Variants in ADGRG6 observed in about 807,000 individuals in gnomAD.
ADGRG6 encodes the protein G-protein coupled receptor 126.
ADGRG6 carries 84 observed loss-of-function variants against 142.4 expected under a neutral mutation model. The observed-to-expected ratio is 0.59, with a 90% confidence interval of 0.49 to 0.71. ADGRG6 has a LOEUF of 0.71. Among genes scored for constraint, ADGRG6 ranks in the 30% least tolerant of loss-of-function variants. The pLI, the probability that ADGRG6 is intolerant of heterozygous loss-of-function variation, is 0.00. For missense variants in ADGRG6, 1,367 were observed against 1,466.6 expected (o/e 0.93, Z 1.11); for synonymous variants, 521 against 520.5 (o/e 1.00, Z -0.01).
chr6:142,419,422 G>A (rs1312575312), intron 21 of ADGRG6, among the ~76,000 whole-genome samples: 2 of 152,130 alleles, frequency 1.3e-5, no homozygotes, highest in East Asian at 1.9e-4. Context: ...TTTATAAAAC[G>A]ATGTCATACA....
chr6:142,338,774 A>G (rs1779474403), intron 2 of ADGRG6, among the ~76,000 whole-genome samples: 1 of 152,162 alleles, frequency 6.6e-6, no homozygotes, highest in Non-Finnish European at 1.5e-5. Context: ...TCTGATATGT[A>G]ACTGAAACAT....
At chr6:142,344,315 A>G (rs570855348) in intron 2 of ADGRG6, among the ~76,000 whole-genome samples, 3 of 152,070 alleles carry the variant, frequency 2.0e-5, no homozygotes, top group African/African-American at 7.2e-5. Context: ...TTATGCTATA[A>G]TTTTGCAGTG....
In ADGRG6 at chr6:142,443,345, T is replaced by G; in HGVS notation, c.3583T>G (p.Ser1195Ala). 1 of 1,609,156 alleles carries G rather than the reference T, an allele frequency of 6.2e-7. No homozygotes were observed. The highest frequency in any genetic ancestry group is 8.5e-7 in the Non-Finnish European group (1 of 1,177,494). ...FKRNSHTDSA[S>A]MDKSLSKLAH... ...TGTATCATTTCTTGCAGACAGTGCT[T>G]CCATGGACAAGTCCTTGTCAAAACT... Residue 1195 changes from serine to alanine, a missense_variant, in exon 25 of 25, where the codon TCC (serine) becomes GCC (alanine). Ser to Ala is a moderately conservative substitution (Grantham distance 99). This residue lies in a region of ADGRG6 where 344 missense variants were observed against 348.7 expected (regional missense o/e 0.99). Transcript: ENST00000367609.
chr6:142,427,073 A>T (rs996687712), intron 22 of ADGRG6, among the ~76,000 whole-genome samples: 1 of 152,156 alleles, frequency 6.6e-6, no homozygotes, highest in South Asian at 2.1e-4. Flanking sequence ...CATTGTCTTG[A>T]TGTTTAACAT....
intron 2 of ADGRG6, among the ~76,000 whole-genome samples, chr6:142,310,636 C>A (rs1023541507): frequency 4.0e-5 from 6 of 151,490 alleles, no homozygotes; most frequent in African/African-American, 1.5e-4. Flanking sequence ...GATGTGAAAA[C>A]TTTTTTTTCC....
chr6:142,370,457 A>G lies in ADGRG6; in HGVS notation c.733A>G (p.Ile245Val). 6.2e-7 allele frequency: 1 copy of G among 1,613,390 alleles called. No individual in the cohort carries two copies. The highest frequency in any genetic ancestry group is 8.5e-7 in the Non-Finnish European group (1 of 1,179,368). Reference protein sequence around the residue: ...NALPVKEKEDIFAESFEQLCL... With the variant: ...NALPVKEKEDVFAESFEQLCL... Reference sequence around the variant, plus strand: ...ATTACCTGTCAAAGAAAAAGAAGACATTTTTGCAGAAAGCTTTGAACAGCT... The same window carrying G: ...ATTACCTGTCAAAGAAAAAGAAGACGTTTTTGCAGAAAGCTTTGAACAGCT... Residue 245 changes from isoleucine to valine, a missense_variant, in exon 4 of 25, where the codon ATT (isoleucine) becomes GTT (valine). Ile to Val is a conservative substitution (Grantham distance 29). This residue lies in a region of ADGRG6 where 737 missense variants were observed against 746.5 expected (regional missense o/e 0.99). Transcript: ENST00000367609.
intron 18 of ADGRG6, among the ~76,000 whole-genome samples, chr6:142,413,466 AAG>A (rs1776199394): frequency 6.6e-6 from 1 of 152,218 alleles, no homozygotes; most frequent in African/African-American, 2.4e-5. Context: ...CATTCTCTAA[AAG>A]AACAAAACAA....
At chr6:142,391,433 CTACA>C (rs961699337) in intron 7 of ADGRG6, among the ~76,000 whole-genome samples, 7 of 97,476 alleles carry the variant, frequency 7.2e-5, no homozygotes, top group African/African-American at 1.4e-4. Context: ...GAAGTGGTAG[CTACA>C]CACACACACA....
chr6:142,433,744 T>G (rs1777332788), intron 22 of ADGRG6, among the ~76,000 whole-genome samples: 1 of 152,236 alleles, frequency 6.6e-6, no homozygotes, highest in South Asian at 2.1e-4. Context: ...TATTTATTAA[T>G]GCTTTTCTTT....
At chr6:142,394,886 T>C (rs1431474584) in intron 9 of ADGRG6, among the ~76,000 whole-genome samples, 1 of 152,126 alleles carries the variant, frequency 6.6e-6, no homozygotes, top group Non-Finnish European at 1.5e-5. Context: ...TGAGATGTCA[T>C]ATCTGGCCTC....
At chr6:142,336,163 T>G in intron 2 of ADGRG6, among the ~76,000 whole-genome samples, 1 of 152,172 alleles carries the variant, frequency 6.6e-6, no homozygotes, top group Non-Finnish European at 1.5e-5. Flanking sequence ...AGCTCAGACT[T>G]CTCTCAAGGA....
In ADGRG6 at chr6:142,338,347, A is replaced by G. The variant is rs117787951; in HGVS notation, c.103+28703A>G. ...TTGATAGTGTATTGAAATTAAGGAG[A>G]CTAAATCTTTGAATTTAATGATATT... is the stretch of plus-strand genomic sequence containing the variant. On this transcript the variant is annotated intron_variant, in intron 2 of 24. Transcript: ENST00000367609. 9.4e-4 allele frequency among the ~76,000 whole-genome samples: 142 copies of G among 151,578 alleles called. 4 individuals are homozygous for G. The East Asian group carries it at 0.027, about 29-fold the overall frequency.
chr6:142,413,773 C>G (rs1445057621), intron 18 of ADGRG6, among the ~76,000 whole-genome samples: 1 of 152,056 alleles, frequency 6.6e-6, no homozygotes, highest in Non-Finnish European at 1.5e-5. Flanking sequence ...TAGGGGGAGC[C>G]CCCTCAGACT....
intron 10 of ADGRG6, among the ~76,000 whole-genome samples, chr6:142,398,440 A>G (rs1401749046): frequency 6.6e-6 from 1 of 152,104 alleles, no homozygotes; most frequent in Non-Finnish European, 1.5e-5. Flanking sequence ...AACAAACAGA[A>G]AACGTCTCCT....
chr6:142,432,702 G>A (rs1287935568), intron 22 of ADGRG6, among the ~76,000 whole-genome samples: 1 of 152,132 alleles, frequency 6.6e-6, no homozygotes, highest in Non-Finnish European at 1.5e-5. Context: ...GTTTTATTAA[G>A]TCAGTCTTAT....
At chr6:142,440,172 G>A (rs1042732218) in intron 24 of ADGRG6, among the ~76,000 whole-genome samples, 1 of 152,126 alleles carries the variant, frequency 6.6e-6, no homozygotes, top group Admixed American at 6.6e-5. Context: ...TAGGATTCGG[G>A]GGAAAACGGA....
chr6:142,384,379 AAAAC>A (rs960578364), intron 6 of ADGRG6, among the ~76,000 whole-genome samples: 29 of 152,264 alleles, frequency 1.9e-4, no homozygotes, highest in Middle Eastern at 3.4e-3. Context: ...TATATCAACT[AAAAC>A]AAATCAAATT....
At chr6:142,377,572 A>T (rs1781563241) in intron 4 of ADGRG6, among the ~76,000 whole-genome samples, 1 of 152,194 alleles carries the variant, frequency 6.6e-6, no homozygotes, top group South Asian at 2.1e-4. Context: ...TATTAAGTAA[A>T]CACCTGAAAA....
intron 3 of ADGRG6, among the ~76,000 whole-genome samples, chr6:142,368,361 T>C (rs2114855736): frequency 6.6e-6 from 1 of 152,290 alleles, no homozygotes; most frequent in African/African-American, 2.4e-5. Context: ...CAGTTTAAGC[T>C]AATAAATAAC....
Sources: allele counts gnomAD v4.1 joint callset (sites outside exome capture counted in the v4.1 genomes callset), GRCh38; gene constraint gnomAD v4.1.1; regional missense constraint gnomAD v4.1.1; transcripts MANE v1.5; gene names NCBI Gene and HGNC (gene_info 2026-07-23, HGNC 2026-07-21).